RNF170: variants seen among roughly 807,000 people sequenced by gnomAD.
RNF170 encodes ring finger protein 170.
A neutral mutation model predicts 32.7 loss-of-function variants in RNF170; 12 were observed. The ratio of observed to expected loss-of-function variants is 0.37; its 90% CI spans 0.24 to 0.60. The LOEUF (loss-of-function observed/expected upper bound fraction) is 0.60. Ranked by LOEUF, RNF170 falls within the 20% of genes least tolerant of loss-of-function variation. The pLI is 0.72. For synonymous variants in RNF170, 91 were observed against 103.6 expected (o/e 0.88, Z 0.74); for missense variants, 212 against 311.2 (o/e 0.68, Z 2.40).
At chr8:42,882,272 A>G (rs1805474458) in intron 2 of RNF170, among the ~76,000 whole-genome samples, 1 of 152,246 alleles carries the variant, frequency 6.6e-6, no homozygotes. Context: ...AGATACTTGT[A>G]CACCAGTGTT....
chr8:42,858,000 A>T (rs764607933), intron 6 of RNF170, among the ~76,000 whole-genome samples: 1 of 152,256 alleles, frequency 6.6e-6, no homozygotes. Flanking sequence ...GCGCCATTGC[A>T]TTCTGGCCTG....
chr8:42,887,230 T>G (rs1469794769), intron 2 of RNF170, among the ~76,000 whole-genome samples: 1 of 152,178 alleles, frequency 6.6e-6, no homozygotes, highest in Admixed American at 6.5e-5. Flanking sequence ...AGGCAGAGGT[T>G]GTGGTGAGCT....
Position 42,853,502 on chromosome 8 carries a change from TG to T in RNF170, c.*2656del. ...GTAGTAGTTGAAACCACTGTTCTAG[TG>T]GGCAGTTAGAACAGTTGTTTTCCCC... On this transcript the variant is annotated 3_prime_UTR_variant, in exon 7 of 7. Transcript: ENST00000527424. The T allele has an allele frequency of 7.8e-7, 1 of 1,286,846 alleles. No homozygotes were observed. The highest frequency in any genetic ancestry group is 1.0e-6 in the Non-Finnish European group (1 of 988,368). The allele number at this position is 1,286,846 out of a possible 1,614,324, so 79.7% of individuals were successfully genotyped here.
intron 5 of RNF170, 53 bp from the exon 6 acceptor site, chr8:42,861,908 T>C (rs1185201217): frequency 6.6e-7 from 1 of 1,523,718 alleles, no homozygotes; most frequent in East Asian, 2.3e-5. Flanking sequence ...ATTATGTTTT[T>C]TTCATTTTGT....
At chr8:42,861,609 C>G (rs746924548) in intron 6 of RNF170, 136 bp downstream of exon 6, 9 of 742,646 alleles carry the variant, frequency 1.2e-5, no homozygotes, top group Non-Finnish European at 1.9e-5. Context: ...TCCCAAAGTG[C>G]TAGGATTATA....
chr8:42,896,880 G>C (rs1004590238), upstream of RNF170: 2 of 334,978 alleles, frequency 6.0e-6, no homozygotes, highest in Non-Finnish European at 1.1e-5. Context: ...GGGCGGCCGG[G>C]GGCGGGGACG....
At chr8:42,872,841 T>A (rs188070023) in intron 3 of RNF170, among the ~76,000 whole-genome samples, 1 of 152,274 alleles carries the variant, frequency 6.6e-6, no homozygotes, top group East Asian at 1.9e-4. Context: ...AGAAAATGTA[T>A]GGCATGTGGT....
At chr8:42,885,076 C>G (rs1324310601) in intron 2 of RNF170, among the ~76,000 whole-genome samples, 1 of 151,122 alleles carries the variant, frequency 6.6e-6, no homozygotes, top group African/African-American at 2.4e-5. Context: ...TGAGAGCCAC[C>G]ATTCTGCTCT....
intron 1 of RNF170, among the ~76,000 whole-genome samples, chr8:42,890,218 T>C (rs569179206): frequency 6.7e-6 from 1 of 149,684 alleles, no homozygotes; most frequent in Non-Finnish European, 1.5e-5. Context: ...ATATATATAA[T>C]ATATATTATA....
rs759284496 is a variant in RNF170, at chr8:42,870,094, G to A, written c.232C>T (p.Arg78Ter). The A allele has an allele frequency of 6.2e-7, 1 of 1,613,580 alleles. No individual in the cohort carries two copies. Among genetic ancestry groups the A allele is most frequent in the Non-Finnish European group, 8.5e-7 (1 of 1,179,602 alleles). The change falls in exon 4 of 7, where the codon CGA becomes TGA. Residue 78 changes from arginine (R) to a stop codon, truncating the protein, a stop_gained. Transcript: ENST00000527424. LOFTEE classifies it high-confidence loss of function. ...QTEQDAPAAT[R>*]QQFYTDMYCP... is the part of the protein sequence containing the mutation. ...TACATGTCAGTGTAGAACTGCTGTC[G>A]AGTGGCAGCAGGTGCATCCTAATAA... is the stretch of plus-strand genomic sequence containing the variant.
chr8:42,882,725 G>C (rs1357802920), intron 2 of RNF170, among the ~76,000 whole-genome samples: 2 of 152,080 alleles, frequency 1.3e-5, no homozygotes, highest in African/African-American at 4.8e-5. Flanking sequence ...CATGGGAGTT[G>C]CTACTTAGAT....
At chr8:42,852,844 A>G (rs543499774), downstream of RNF170, among the ~76,000 whole-genome samples, 9 of 151,518 alleles carry the variant, frequency 5.9e-5, no homozygotes, top group South Asian at 1.9e-3. Context: ...TAGAAAAATA[A>G]TTTTCAGCAC....
rs144153650 is a variant in RNF170, at chr8:42,870,291, A to G, written c.214-179T>C. The stretch of plus-strand genomic sequence containing the variant: ...TATGAGGCTATATTGTTTTTATTTA[A>G]GCTGCATGGTTTCCACTTTCCTTCC... On this transcript the variant is annotated intron_variant, in intron 3 of 6. Coordinates refer to ENST00000527424, the MANE Select transcript of RNF170 (RefSeq NM_030954.4). Among the ~76,000 whole-genome samples the G allele has an allele frequency of 3.5e-4, 53 of 152,334 alleles. No homozygotes were observed. The East Asian group carries it at 8.7e-3, about 25-fold the overall frequency.
intron 2 of RNF170, among the ~76,000 whole-genome samples, chr8:42,885,313 C>G (rs1005525380): frequency 6.6e-6 from 1 of 152,160 alleles, no homozygotes; most frequent in African/African-American, 2.4e-5. Flanking sequence ...CTAGTGAACA[C>G]CTAACTTGAT....
chr8:42,879,733 G>A (rs1805234397), intron 2 of RNF170, among the ~76,000 whole-genome samples: 1 of 151,688 alleles, frequency 6.6e-6, no homozygotes, highest in Non-Finnish European at 1.5e-5. Context: ...GGAGTATAGT[G>A]CTACACTCTT....
rs558174612 is a variant in RNF170 at position 42,873,448 on chromosome 8, C to T, written c.213+483G>A. The stretch of plus-strand genomic sequence containing the variant: ...AGTATATCTCCAATTCTTAGAGATT[C>T]GATCTGGTAAAAAGCAAAGAACAAA... On this transcript the variant is annotated intron_variant, in intron 3 of 6. Transcript: ENST00000527424. 4.6e-5 allele frequency among the ~76,000 whole-genome samples: 7 copies of T among 151,966 alleles called. No individual in the cohort carries two copies. The South Asian group carries it at 1.0e-3, about 23-fold the overall frequency.
chr8:42,875,897 A>G (rs1392814067), intron 2 of RNF170, among the ~76,000 whole-genome samples: 1 of 152,194 alleles, frequency 6.6e-6, no homozygotes, highest in African/African-American at 2.4e-5. Flanking sequence ...AGCTTGATGC[A>G]TTCTTCATTT....
At chr8:42,863,987 G>C (rs1246344334) in intron 5 of RNF170, among the ~76,000 whole-genome samples, 1 of 140,734 alleles carries the variant, frequency 7.1e-6, no homozygotes, top group Non-Finnish European at 1.5e-5. Flanking sequence ...GAGAGTGTGT[G>C]TGTGTGTGTG....
At chr8:42,887,588 G>T in intron 2 of RNF170, 140 bp downstream of exon 2, 1 of 788,352 alleles carries the variant, frequency 1.3e-6, no homozygotes, top group Non-Finnish European at 2.2e-6. Flanking sequence ...AAGCCCCGTG[G>T]AAAATAAAAT....
Sources: gnomAD v4.1 joint callset for allele counts (sites outside exome capture counted in the v4.1 genomes callset) on GRCh38, gnomAD v4.1.1 for gene constraint, MANE v1.5 for transcripts, NCBI Gene and HGNC (gene_info 2026-07-23, HGNC 2026-07-21) for gene names.